ASPDH: variants seen among roughly 807,000 people sequenced by gnomAD.
The protein encoded by ASPDH is aspartate dehydrogenase domain-containing protein.
In ASPDH, 25 loss-of-function variants were observed where a neutral mutation model predicts 30.5. The observed-to-expected ratio is 0.82, with a 90% CI of 0.60 to 1.14. ASPDH has a LOEUF of 1.14. ASPDH is among the 50% of genes most tolerant of loss of function. The probability of loss-of-function intolerance (pLI) is 0.00; values close to 1 mark genes in which losing one functional copy is unlikely to be tolerated. For missense variants in ASPDH, 401 were observed against 381.5 expected, an observed-to-expected ratio of 1.05 and a Z score of -0.43; for synonymous variants, 168 against 156.3, an observed-to-expected ratio of 1.07 and a Z score of -0.56.
chr19:50,513,588 G>A lies in ASPDH; in HGVS notation c.53-172C>T, dbSNP rs1260004784. ...GCAGAGACACAGTGGGGTGGACAGA[G>A]GCCCAGAGAGAAGGGAGACAGAGAC... On this transcript the variant is annotated intron_variant, in intron 1 of 6. Coordinates refer to ENST00000389208, the MANE Select transcript of ASPDH (RefSeq NM_001114598.2). This position sits in a 1 kb window ranked among gnomAD's most constrained non-coding sequence, Gnocchi z 4.9. Among the ~76,000 whole-genome samples, 1 of 152,028 alleles carries A rather than the reference G, an allele frequency of 6.6e-6. No individual in the cohort carries two copies. Among genetic ancestry groups the A allele is most frequent in the Non-Finnish European group, 1.5e-5 (1 of 67,996 alleles).
intron 6 of ASPDH, 157 bp from the exon 7 acceptor site, chr19:50,511,930 A>G: frequency 7.9e-6 from 3 of 379,706 alleles, no homozygotes; most frequent in Non-Finnish European, 1.2e-5. Flanking sequence ...AGAGACAGAG[A>G]GAGTCTCGAT....
rs751956139 is a variant in ASPDH, at chr19:50,512,566, G to A, written c.447C>T (p.Thr149=). ...AAGGLRSLRV[T]MATHPDGFRL... Reference sequence around the variant, plus strand: ...GGAAGCCATCGGGGTGTGTGGCCATGGTGACACGAAGGCTCTGGAAGCAAG... The same window carrying A: ...GGAAGCCATCGGGGTGTGTGGCCATAGTGACACGAAGGCTCTGGAAGCAAG... Residue 149 remains threonine, a synonymous_variant, in exon 5 of 7, where the codon ACC becomes ACT. Transcript: ENST00000389208. The A allele has an allele frequency of 5.3e-5, 81 of 1,533,004 alleles. No individual in the cohort carries two copies. The Admixed American group carries it at 1.5e-3, about 28-fold the overall frequency. The allele number at this position is 1,533,004 out of a possible 1,614,324, so 95.0% of individuals were successfully genotyped here. A position where few individuals can be genotyped will look rare whatever the true frequency, so the allele number is the denominator to read the frequency against.
upstream of ASPDH, chr19:50,514,862 CAGACGCGGGCAGACAGAGAGGGGCCA>C (rs573398107): frequency 2.2e-4 from 214 of 985,360 alleles, no homozygotes; most frequent in African/African-American, 3.6e-3. Context: ...AGAGAGGAGA[CAGACGCGGGCAGACAGAGAGGGGCCA>C]AGACCCCGAC....
At chr19:50,514,546 C>T, upstream of ASPDH, 1 of 1,613,922 alleles carries the variant, frequency 6.2e-7, no homozygotes, top group Non-Finnish European at 8.5e-7. Context: ...CGTTCTCGCT[C>T]CCACGTCCGT....
rs369037329 is a variant in ASPDH at position 50,511,712 on chromosome 19, C to T, written c.*18G>A. On this transcript the variant is annotated 3_prime_UTR_variant, in exon 7 of 7. Transcript: ENST00000389208. ...AGAGGCCAGGCAGATGATCTTGTCT[C>T]GGGAGGGAGGAGGCTTCTCAGCAGA... 3 of 1,296,024 alleles carry T rather than the reference C, an allele frequency of 2.3e-6. No individual in the cohort carries two copies. Among genetic ancestry groups the T allele is most frequent in the Middle Eastern group, 4.0e-4 (2 of 5,008 alleles). 80.3% of individuals were successfully genotyped at this position (1,296,024 alleles called of 1,614,324 possible). A position where few individuals can be genotyped will look rare whatever the true frequency, so the allele number is the denominator to read the frequency against.
rs778145375 is a variant in ASPDH at position 50,512,736 on chromosome 19, G to A, written c.357C>T (p.His119=). The A allele has an allele frequency of 2.8e-5, 43 of 1,555,110 alleles. No homozygotes were observed. The highest frequency in any genetic ancestry group is 1.7e-4 in the Middle Eastern group (1 of 6,014). Residue 119 remains histidine (H), a synonymous_variant, in exon 4 of 7, where the codon CAC becomes CAT. Coordinates refer to ENST00000389208, the MANE Select transcript of ASPDH (RefSeq NM_001114598.2). ...QLLEASQHWD[H]AVFVARGALW... is the part of the protein sequence containing the mutation. The stretch of plus-strand genomic sequence containing the variant: ...GGGCCCCTCGGGCCACAAACACGGC[G>A]TGGTCCCAGTGCTGTGAGGCCTCCA...
upstream of ASPDH, chr19:50,514,514 C>G: frequency 6.2e-7 from 1 of 1,614,150 alleles, no homozygotes. Flanking sequence ...CCCCATCGTG[C>G]CACCAGCTGC....
At chr19:50,514,108 C>T (rs1407591079), upstream of ASPDH, among the ~76,000 whole-genome samples, 1 of 152,202 alleles carries the variant, frequency 6.6e-6, no homozygotes, top group African/African-American at 2.4e-5. Context: ...CACCCTCTTT[C>T]TCCCTGCTGA....
Position 50,512,213 on chromosome 19 carries a change from G to T in ASPDH, c.731C>A (p.Thr244Asn). The T allele has an allele frequency of 6.2e-7, 1 of 1,611,026 alleles. No individual in the cohort carries two copies. Among genetic ancestry groups the T allele is most frequent in the Non-Finnish European group, 8.5e-7 (1 of 1,179,498 alleles). ...GPTGRSFAVHTRRENPAEPGA... is the reference protein window; with the variant it reads ...GPTGRSFAVHNRRENPAEPGA... ...TGGCTCGGCAGGGTTCTCTCTGCGG[G>T]TGTGCACAGCAAAGCTTCGGCCCGT... Residue 244 changes from threonine (T) to asparagine (N), a missense_variant, in exon 6 of 7, where the codon ACC (threonine) becomes AAC (asparagine). Coordinates refer to ENST00000389208, the MANE Select transcript of ASPDH (RefSeq NM_001114598.2).
At position 50,512,803 on chromosome 19, in the gene ASPDH, G is replaced by T; in HGVS notation, c.290C>A (p.Ser97Tyr). The change falls in exon 4 of 7, where the codon TCC becomes TAC. Residue 97 changes from serine to tyrosine, a missense_variant. By Grantham distance (144) the Ser-to-Tyr change is moderately radical. Transcript: ENST00000389208. ...GGTCTGGTCACTTAGAGCTGAGGGG[G>T]ACCCCACCTGGGGTGGATGAAGGAG... is the stretch of plus-strand genomic sequence containing the variant. ...ILRHANLLVG[S>Y]PSALSDQTTE... 6.3e-7 allele frequency: 1 copy of T among 1,596,504 alleles called. No homozygotes were observed.
At position 50,512,706 on chromosome 19, in the gene ASPDH, C is replaced by T; in HGVS notation, c.387G>A (p.Trp129Ter). The change falls in exon 4 of 7, where the codon TGG becomes TGA. Residue 129 changes from tryptophan to a stop codon, truncating the protein, a stop_gained. Coordinates refer to ENST00000389208, the MANE Select transcript of ASPDH (RefSeq NM_001114598.2). LOFTEE classifies it high-confidence loss of function. ...HAVFVARGAL[W>*]GAEDIRRLDA... ...CCAATCTCCTGATGTCCTCAGCGCC[C>T]CACAGGGCCCCTCGGGCCACAAACA... The T allele has an allele frequency of 6.4e-7, 1 of 1,551,662 alleles. No homozygotes were observed. Among genetic ancestry groups the T allele is most frequent in the Middle Eastern group, 1.7e-4 (1 of 5,988 alleles).
upstream of ASPDH, among the ~76,000 whole-genome samples, chr19:50,514,321 C>A (rs1980133882): frequency 6.6e-6 from 1 of 152,134 alleles, no homozygotes; most frequent in Admixed American, 6.6e-5. Context: ...CCTAGCCCTC[C>A]CAGAGGCAGC....
chr19:50,513,240 G>A lies in ASPDH; in HGVS notation c.197+32C>T. ...AGAGAGCCAGGACAGGAGCTTCAGG[G>A]AGCTCCACTCTCCCATGGCAAGGTC... On this transcript the variant is annotated intron_variant, in intron 2 of 6. Transcript: ENST00000389208. The surrounding 1 kb of genome is among the most constrained non-coding windows in gnomAD (Gnocchi z 4.9). The A allele has an allele frequency of 6.9e-7, 1 of 1,442,614 alleles. No individual in the cohort carries two copies. The highest frequency in any genetic ancestry group is 1.5e-5 in the South Asian group (1 of 66,996). 89.4% of individuals were successfully genotyped at this position (1,442,614 alleles called of 1,614,324 possible).
upstream of ASPDH, chr19:50,514,483 C>A: frequency 6.2e-7 from 1 of 1,614,168 alleles, no homozygotes; most frequent in Non-Finnish European, 8.5e-7. Context: ...TTCACCTTGA[C>A]TTGCTACCTT....
chr19:50,514,527 C>T (rs200675175), upstream of ASPDH: 41 of 1,614,138 alleles, frequency 2.5e-5, 1 homozygote, highest in East Asian at 3.8e-4. Flanking sequence ...CCAGCTGCCT[C>T]CAGTGTGACG....
chr19:50,514,869 G>A (rs10413690), upstream of ASPDH: 542,854 of 984,424 alleles, frequency 0.55, 150,096 homozygotes, highest in African/African-American at 0.65. Context: ...AGACAGACGC[G>A]GGCAGACAGA....
At chr19:50,513,953 C>G (rs1484795087), upstream of ASPDH, 2 of 1,239,254 alleles carry the variant, frequency 1.6e-6, no homozygotes, top group African/African-American at 3.0e-5. The surrounding 1 kb of genome is among the most constrained non-coding windows in gnomAD (Gnocchi z 4.9). Flanking sequence ...CCCTTCCCCG[C>G]AGGCCCAGCG....
In ASPDH at chr19:50,513,385, C is replaced by T. The variant is rs1479828827; in HGVS notation, c.84G>A (p.Gln28=). 6.5e-7 allele frequency: 1 copy of T among 1,531,228 alleles called. No individual in the cohort carries two copies. The highest frequency in any genetic ancestry group is 8.8e-7 in the Non-Finnish European group (1 of 1,138,264). 94.9% of individuals were successfully genotyped at this position (1,531,228 alleles called of 1,614,324 possible). ...CAAGTTCTAGGCCAAGTTCTGGTCC[C>T]TGAGCCAAGAGGCGGGAGACGAGGG... The part of the protein sequence containing the change: ...GQSLVSRLLA[Q]GPELGLELVF... The change falls in exon 2 of 7, where the codon CAG becomes CAA. Residue 28 remains glutamine (Q), a synonymous_variant. Coordinates refer to ENST00000389208, the MANE Select transcript of ASPDH (RefSeq NM_001114598.2). The surrounding 1 kb of genome is among the most constrained non-coding windows in gnomAD (Gnocchi z 4.9).
chr19:50,514,375 G>A (rs1403077048), upstream of ASPDH: 3 of 1,518,386 alleles, frequency 2.0e-6, no homozygotes, highest in Non-Finnish European at 2.7e-6. Context: ...CCTTGCCTCA[G>A]CGGGTCCAAC....
Sources: gnomAD v4.1 joint callset for allele counts (sites outside exome capture counted in the v4.1 genomes callset) on GRCh38, gnomAD v4.1.1 for gene constraint, Gnocchi (gnomAD v3.1) non-coding constraint, MANE v1.5 for transcripts, NCBI Gene and HGNC (gene_info 2026-07-23, HGNC 2026-07-21) for gene names.